Variants in PLEKHG4B observed in about 807,000 individuals in gnomAD.
PLEKHG4B encodes the protein pleckstrin homology and RhoGEF domain containing G4B.
In PLEKHG4B, 111 loss-of-function variants were observed where a neutral mutation model predicts 121.3. The observed-to-expected ratio is 0.92, with a 90% confidence interval of 0.78 to 1.07. The LOEUF (loss-of-function observed/expected upper bound fraction) is 1.07, where lower values mean the gene tolerates loss of function less well. Ranked by LOEUF, PLEKHG4B falls within the 50% of genes least tolerant of loss-of-function variation. The pLI, the probability that PLEKHG4B is intolerant of heterozygous loss-of-function variation, is 0.00. For missense variants in PLEKHG4B, 1,831 were observed against 1,757.8 expected (o/e 1.04, Z -0.74); for synonymous variants, 738 against 725.0 (o/e 1.02, Z -0.29).
chr5:125,316 T>C (rs3866911), intron 2 of PLEKHG4B, among the ~76,000 whole-genome samples: 22 of 152,046 alleles, frequency 1.4e-4, no homozygotes, highest in Non-Finnish European at 3.2e-4. Flanking sequence ...GTAGTAAAAG[T>C]CTTAAATTCT....
At chr5:106,353 G>C (rs917112363) in intron 1 of PLEKHG4B, among the ~76,000 whole-genome samples, 8 of 152,148 alleles carry the variant, frequency 5.3e-5, no homozygotes, top group Admixed American at 5.2e-4. Flanking sequence ...CCCCCATCCA[G>C]CCCTTTGTTT....
chr5:156,680 T>G lies in PLEKHG4B; in HGVS notation c.2349-93T>G, dbSNP rs562243058. ...CCCGTTGCCTTGTGGCATGAGGGAATGGAAAGAGCAGGGTTTTTATATGGG... is the reference window on the plus strand; with the variant it reads ...CCCGTTGCCTTGTGGCATGAGGGAAGGGAAAGAGCAGGGTTTTTATATGGG... On this transcript the variant is annotated intron_variant, in intron 10 of 19. Coordinates refer to ENST00000637938, the MANE Select transcript of PLEKHG4B (RefSeq NM_052909.5). This position sits in a 1 kb window ranked among gnomAD's most constrained non-coding sequence, Gnocchi z 4.4. 2.4e-5 allele frequency: 35 copies of G among 1,447,812 alleles called. No homozygotes were observed. The highest frequency in any genetic ancestry group is 3.0e-5 in the Non-Finnish European group (33 of 1,085,888). The allele number at this position is 1,447,812 out of a possible 1,614,324, so 89.7% of individuals were successfully genotyped here.
intron 17 of PLEKHG4B, among the ~76,000 whole-genome samples, chr5:173,666 G>A (rs532151885): frequency 4.0e-5 from 6 of 151,298 alleles, no homozygotes; most frequent in Non-Finnish European, 5.9e-5. Flanking sequence ...TCCTTTGCAC[G>A]CTCACAAGCA....
At position 183,731 on chromosome 5, in the gene PLEKHG4B, T is replaced by G. The variant is rs1733506509; in HGVS notation, c.*1408T>G. On this transcript the variant is annotated 3_prime_UTR_variant, in exon 20 of 20. Transcript: ENST00000637938. ...CAGCCTGGGCGACAGAGCAAGACTC[T>G]GTCTCACAAAAAAGGTTAAGAAATG... is the stretch of plus-strand genomic sequence containing the variant. The G allele has an allele frequency of 6.6e-6, 1 of 152,208 alleles. No homozygotes were observed. Among genetic ancestry groups the G allele is most frequent in the South Asian group, 2.1e-4 (1 of 4,826 alleles). The allele number at this position is 152,208 out of a possible 1,614,324, so 9.4% of individuals were successfully genotyped here.
chr5:155,664 A>G (rs1735750893), intron 9 of PLEKHG4B, among the ~76,000 whole-genome samples: 1 of 152,260 alleles, frequency 6.6e-6, no homozygotes, highest in Non-Finnish European at 1.5e-5. Flanking sequence ...ACCGTGCCAC[A>G]GCATTTGATG....
rs181505938 is a variant in PLEKHG4B at position 161,592 on chromosome 5, T to C, written c.2488-191T>C. 2.8e-3 allele frequency among the ~76,000 whole-genome samples: 360 copies of C among 129,874 alleles called. 2 individuals are homozygous for C. Among genetic ancestry groups the C allele is most frequent in the Non-Finnish European group, 3.8e-3 (219 of 58,388 alleles). 85.2% of individuals were successfully genotyped at this position (129,874 alleles called of 152,430 possible). On this transcript the variant is annotated intron_variant, in intron 11 of 19. Transcript: ENST00000637938. ...TTCTTCCCCTGTGTAGATCAAATCA[T>C]AGTTTGGAAAAGAACTAGAGAAATG...
chr5:135,677 AAAAAAATATATATATATATATATATATAT>A (rs1306834591), intron 2 of PLEKHG4B, among the ~76,000 whole-genome samples: 5 of 72,526 alleles, frequency 6.9e-5, no homozygotes, highest in African/African-American at 1.2e-4. Context: ...AAAAAAAAAA[AAAAAAATATATATATATATATATATATAT>A]ATATATATAT....
intron 6 of PLEKHG4B, among the ~76,000 whole-genome samples, chr5:145,853 C>A (rs1735391149): frequency 6.6e-6 from 1 of 152,168 alleles, no homozygotes; most frequent in South Asian, 2.1e-4. Context: ...CACCTGCACT[C>A]CACGAAGCTA....
At chr5:155,112 G>A (rs963281957) in intron 8 of PLEKHG4B, 121 bp downstream of exon 8, 7 of 950,152 alleles carry the variant, frequency 7.4e-6, no homozygotes, top group Middle Eastern at 2.3e-4. Context: ...TGTTACAGTC[G>A]CCGTTCAGGT....
chr5:140,414 C>A lies in PLEKHG4B; in HGVS notation c.1175C>A (p.Ala392Glu). 1 of 1,556,790 alleles carries A rather than the reference C, an allele frequency of 6.4e-7. No homozygotes were observed. The highest frequency in any genetic ancestry group is 1.9e-5 in the Admixed American group (1 of 51,788). ...TGASRDLGTG[A>E]VASGTQEETS... is the part of the protein sequence containing the mutation. ...GCCAGCAGGGACCTGGGGACTGGGGCAGTAGCCAGTGGGACCCAGGAGGAA... is the reference window on the plus strand; with the variant it reads ...GCCAGCAGGGACCTGGGGACTGGGGAAGTAGCCAGTGGGACCCAGGAGGAA... Residue 392 changes from alanine (A) to glutamate (E), a missense_variant, in exon 3 of 20, where the codon GCA becomes GAA. By Grantham distance (107) the Ala-to-Glu change is moderately radical. Transcript: ENST00000637938.
chr5:181,929 T>C, intron 19 of PLEKHG4B, 75 bp from the exon 20 acceptor site: 1 of 1,513,346 alleles, frequency 6.6e-7, no homozygotes, highest in Non-Finnish European at 9.1e-7. Flanking sequence ...TTCAGACGGC[T>C]CTGATCCCAT....
In PLEKHG4B at chr5:163,486, G is replaced by C. The variant is rs758240288; in HGVS notation, c.3414G>C (p.Arg1138=). ...HARSPPVTQS[R]SLSSPSGLHP... ...GGAGCCCCCCGGTCACTCAGAGCCG[G>C]AGTCTGTCCTCCCCCTCGGGGCTCC... is the stretch of plus-strand genomic sequence containing the variant. Residue 1138 remains arginine, a synonymous_variant, in exon 13 of 20, where the codon CGG becomes CGC. Coordinates refer to ENST00000637938, the MANE Select transcript of PLEKHG4B (RefSeq NM_052909.5). The C allele has an allele frequency of 1.2e-6, 2 of 1,612,586 alleles. No individual in the cohort carries two copies. Among genetic ancestry groups the C allele is most frequent in the Admixed American group, 1.7e-5 (1 of 59,998 alleles).
Position 162,898 on chromosome 5 carries a change from C to G in PLEKHG4B, c.2826C>G (p.Asp942Glu). The G allele has an allele frequency of 6.5e-7, 1 of 1,533,506 alleles. No homozygotes were observed. Among genetic ancestry groups the G allele is most frequent in the Non-Finnish European group, 8.8e-7 (1 of 1,139,504 alleles). 95.0% of individuals were successfully genotyped at this position (1,533,506 alleles called of 1,614,324 possible). Reference sequence around the variant, plus strand: ...GGAAACCGTGGGCATCACAGCAAGACCTGTGGCTGCAGTACCCCCAGACCC... The same window carrying G: ...GGAAACCGTGGGCATCACAGCAAGAGCTGTGGCTGCAGTACCCCCAGACCC... ...ALGKPWASQQ[D>E]LWLQYPQTRL... Residue 942 changes from aspartate to glutamate, a missense_variant, in exon 13 of 20, where the codon GAC (aspartate) becomes GAG (glutamate). Coordinates refer to ENST00000637938, the MANE Select transcript of PLEKHG4B (RefSeq NM_052909.5).
chr5:161,409 C>T (rs747344209), intron 11 of PLEKHG4B, among the ~76,000 whole-genome samples: 16 of 152,320 alleles, frequency 1.1e-4, no homozygotes, highest in Admixed American at 3.3e-4. Flanking sequence ...CTCAGAGGCC[C>T]GTGCCACCTC....
In PLEKHG4B at chr5:177,107, C is replaced by G. The variant is rs566262208; in HGVS notation, c.4402+3009C>G. Reference sequence around the variant, plus strand: ...AATTGATTATCTACACACTTACTTTCTATTTAATTAATTTCTACTCTTTGT... The same window carrying G: ...AATTGATTATCTACACACTTACTTTGTATTTAATTAATTTCTACTCTTTGT... On this transcript the variant is annotated intron_variant, in intron 18 of 19. Transcript: ENST00000637938. Among the ~76,000 whole-genome samples the G allele has an allele frequency of 5.9e-5, 9 of 152,300 alleles. No individual in the cohort carries two copies. The South Asian group carries it at 1.9e-3, about 32-fold the overall frequency.
intron 5 of PLEKHG4B, 115 bp downstream of exon 5, chr5:143,618 C>A: frequency 1.5e-6 from 2 of 1,293,976 alleles, no homozygotes; most frequent in Non-Finnish European, 1.1e-6. Context: ...TCTGCCTCTC[C>A]TAACCTCATC....
chr5:142,933 C>T (rs1049839293), intron 3 of PLEKHG4B, 114 bp from the exon 4 acceptor site: 2 of 1,001,654 alleles, frequency 2.0e-6, no homozygotes, highest in Admixed American at 2.0e-5. Context: ...TTCTCGGAAC[C>T]CCCTACTTTC....
At chr5:104,193 A>T (rs1253345931) in intron 1 of PLEKHG4B, among the ~76,000 whole-genome samples, 2 of 143,888 alleles carry the variant, frequency 1.4e-5, no homozygotes, top group African/African-American at 5.3e-5. Flanking sequence ...ATTCCTAAAC[A>T]ACCTCAGCCA....
At chr5:176,349 C>T (rs1007393379) in intron 18 of PLEKHG4B, among the ~76,000 whole-genome samples, 3 of 152,230 alleles carry the variant, frequency 2.0e-5, no homozygotes, top group African/African-American at 2.4e-5. Context: ...CTGTCCATTT[C>T]AACCCCTCTG....
Sources: allele counts gnomAD v4.1 joint callset (sites outside exome capture counted in the v4.1 genomes callset), GRCh38; gene constraint gnomAD v4.1.1; non-coding constraint Gnocchi (gnomAD v3.1); transcripts MANE v1.5; gene names NCBI Gene and HGNC (gene_info 2026-07-23, HGNC 2026-07-21).